Variants in SYS1 observed in about 807,000 individuals in gnomAD.
SYS1 encodes SYS1 golgi trafficking protein, also known as protein SYS1 homolog.
In SYS1, 8 loss-of-function variants were observed where a neutral mutation model predicts 17.8. The observed-to-expected ratio is 0.45, with a 90% confidence interval of 0.26 to 0.81. The LOEUF (loss-of-function observed/expected upper bound fraction) is 0.81, where lower values mean the gene tolerates loss of function less well. SYS1 is among the 40% of genes least tolerant of loss of function. The pLI is 0.16. For synonymous variants in SYS1, 95 were observed against 90.9 expected, an observed-to-expected ratio of 1.05 and a Z score of -0.26; for missense variants, 161 against 203.9, an observed-to-expected ratio of 0.79 and a Z score of 1.28.
intron 2 of SYS1, among the ~76,000 whole-genome samples, chr20:45,363,982 C>T (rs1988316198): frequency 6.6e-6 from 1 of 152,186 alleles, no homozygotes; most frequent in Admixed American, 6.5e-5. Context: ...CTTGATTTCT[C>T]TGAGCTAGGT....
chr20:45,366,833 A>G (rs187179584), intron 3 of SYS1, 42 bp from the exon 4 acceptor site: 1 of 1,566,158 alleles, frequency 6.4e-7, no homozygotes, highest in East Asian at 2.2e-5. Flanking sequence ...ACCTAAGGCC[A>G]GGACAACCCA....
In SYS1 at chr20:45,369,009, G is replaced by A. The variant is rs1988502571; in HGVS notation, c.*1894G>A. The A allele has an allele frequency of 1.1e-5, 5 of 458,134 alleles. No homozygotes were observed. The highest frequency in any genetic ancestry group is 2.1e-5 in the African/African-American group (1 of 47,136). 28.4% of individuals were successfully genotyped at this position (458,134 alleles called of 1,614,324 possible). ...ATTTTTAGAAATGGCCAAAAGTCAC[G>A]TGATCCAAACTTTTTTTCAGTAATA... On this transcript the variant is annotated 3_prime_UTR_variant, in exon 4 of 4. Coordinates refer to ENST00000243918, the MANE Select transcript of SYS1 (RefSeq NM_033542.4).
chr20:45,367,838 T>C lies in SYS1; in HGVS notation c.*723T>C. The C allele has an allele frequency of 1.0e-6, 1 of 985,856 alleles. No homozygotes were observed. Among genetic ancestry groups the C allele is most frequent in the Non-Finnish European group, 1.2e-6 (1 of 829,968 alleles). 61.1% of individuals were successfully genotyped at this position (985,856 alleles called of 1,614,324 possible). ...AGAAGAATCCCAGCGTTGCTCAAAG[T>C]CTAACCATCATAAAGACACTGCCTG... On this transcript the variant is annotated 3_prime_UTR_variant, in exon 4 of 4. Transcript: ENST00000243918.
In SYS1 at chr20:45,363,537, G is replaced by T. The variant is rs1031084500; in HGVS notation, c.6G>T (p.Ala2=). The T allele has an allele frequency of 1.3e-6, 2 of 1,557,986 alleles. No homozygotes were observed. The highest frequency in any genetic ancestry group is 8.7e-7 in the Non-Finnish European group (1 of 1,152,710). M[A]GQFRSYVWDP... ...GGCTCGTGTCCCTGCAGGGCATGGCGGGTCAGTTCCGCAGCTACGTGTGGG... is the reference window on the plus strand; with the variant it reads ...GGCTCGTGTCCCTGCAGGGCATGGCTGGTCAGTTCCGCAGCTACGTGTGGG... Residue 2 remains alanine (A), a synonymous_variant, in exon 2 of 4, where the codon GCG becomes GCT. Coordinates refer to ENST00000243918, the MANE Select transcript of SYS1 (RefSeq NM_033542.4).
At chr20:45,366,484 TTA>T (rs1188987332) in intron 3 of SYS1, among the ~76,000 whole-genome samples, 1 of 152,172 alleles carries the variant, frequency 6.6e-6, no homozygotes, top group Non-Finnish European at 1.5e-5. Context: ...TCAGGCTATT[TTA>T]TATAAAAATC....
At chr20:45,374,018 G>A (rs1484992364), downstream of SYS1, 1 of 1,613,812 alleles carries the variant, frequency 6.2e-7, no homozygotes, top group African/African-American at 1.3e-5. Context: ...CAACCTGCCA[G>A]CAGAAACCTC....
In SYS1 at chr20:45,368,385, C is replaced by T. The variant is rs777880273; in HGVS notation, c.*1270C>T. The T allele has an allele frequency of 3.2e-5, 32 of 985,280 alleles. No homozygotes were observed. The highest frequency in any genetic ancestry group is 6.1e-5 in the Admixed American group (1 of 16,266). 61.0% of individuals were successfully genotyped at this position (985,280 alleles called of 1,614,324 possible). ...TGATTTCTGAACATGTTCAATGGAGCGGCACACAGTCTAGACCCACTTCCG... is the reference window on the plus strand; with the variant it reads ...TGATTTCTGAACATGTTCAATGGAGTGGCACACAGTCTAGACCCACTTCCG... On this transcript the variant is annotated 3_prime_UTR_variant, in exon 4 of 4. Transcript: ENST00000243918.
At position 45,363,542 on chromosome 20, in the gene SYS1, A is replaced by T. The variant is rs748553304; in HGVS notation, c.11A>T (p.Gln4Leu). MAG[Q>L]FRSYVWDPLL... Reference sequence around the variant, plus strand: ...GTGTCCCTGCAGGGCATGGCGGGTCAGTTCCGCAGCTACGTGTGGGACCCG... The same window carrying T: ...GTGTCCCTGCAGGGCATGGCGGGTCTGTTCCGCAGCTACGTGTGGGACCCG... Residue 4 changes from glutamine to leucine, a missense_variant, in exon 2 of 4, where the codon CAG becomes CTG. Gln to Leu is a moderately radical substitution (Grantham distance 113). Transcript: ENST00000243918. 3.0e-5 allele frequency: 47 copies of T among 1,556,682 alleles called. No individual in the cohort carries two copies. Among genetic ancestry groups the T allele is most frequent in the Admixed American group, 3.8e-5 (2 of 52,866 alleles).
In SYS1 at chr20:45,367,945, G is replaced by A; in HGVS notation, c.*830G>A. ...CTTATTTAGAATTCTTTGGCGGGAA[G>A]GGTATGATGGGTTCCCAGAGACAAG... On this transcript the variant is annotated 3_prime_UTR_variant, in exon 4 of 4. Transcript: ENST00000243918. 8 of 985,456 alleles carry A rather than the reference G, an allele frequency of 8.1e-6. No individual in the cohort carries two copies. The highest frequency in any genetic ancestry group is 9.6e-6 in the Non-Finnish European group (8 of 829,940). 61.0% of individuals were successfully genotyped at this position (985,456 alleles called of 1,614,324 possible).
intron 2 of SYS1, among the ~76,000 whole-genome samples, chr20:45,364,533 A>G (rs1174874718): frequency 1.7e-5 from 2 of 119,820 alleles, no homozygotes; most frequent in South Asian, 2.9e-4. Flanking sequence ...GTGCAGTGGC[A>G]GGATCTCGGC....
chr20:45,363,417 C>A, intron 1 of SYS1, 102 bp downstream of exon 1: 1 of 1,450,624 alleles, frequency 6.9e-7, no homozygotes, highest in South Asian at 1.4e-5. Flanking sequence ...GCCCCGCCTT[C>A]CCCCTGACTC....
chr20:45,373,051 C>T (rs1988604629), downstream of SYS1: 2 of 152,348 alleles, frequency 1.3e-5, no homozygotes, highest in African/African-American at 4.8e-5. Flanking sequence ...CTCCACTGCT[C>T]TCCCGAGGGC....
chr20:45,366,988 C>T lies in SYS1; in HGVS notation c.344C>T (p.Ser115Leu), dbSNP rs199934485. ...GCWFYSSRFP[S>L]ALTWWLVQAV... The stretch of plus-strand genomic sequence containing the variant: ...TGGTTCTACAGCTCCCGTTTCCCCT[C>T]GGCGCTGACCTGGTGGCTGGTCCAA... The change falls in exon 4 of 4, where the codon TCG becomes TTG. Residue 115 changes from serine (S) to leucine (L), a missense_variant. Coordinates refer to ENST00000243918, the MANE Select transcript of SYS1 (RefSeq NM_033542.4). The T allele has an allele frequency of 4.2e-5, 67 of 1,614,206 alleles. No individual in the cohort carries two copies. The highest frequency in any genetic ancestry group is 1.6e-4 in the Middle Eastern group (1 of 6,062).
chr20:45,374,958 A>G, exon 4 of SYS1: 1 of 1,535,356 alleles, frequency 6.5e-7, no homozygotes. Flanking sequence ...CAGATCCTGA[A>G]CCCTGACTCT....
chr20:45,374,012 C>T (rs370420531), downstream of SYS1: 3 of 1,613,894 alleles, frequency 1.9e-6, no homozygotes, highest in African/African-American at 2.7e-5. Flanking sequence ...TCACATCAAC[C>T]TGCCAGCAGA....
exon 4 of SYS1, chr20:45,374,318 G>T: frequency 1.4e-6 from 1 of 692,904 alleles, no homozygotes; most frequent in Non-Finnish European, 2.6e-6. Flanking sequence ...TCTTGCCCAG[G>T]CTGGAGTGCA....
At chr20:45,363,788 T>C (rs1303711240) in intron 2 of SYS1, 95 bp downstream of exon 2, 4 of 1,333,420 alleles carry the variant, frequency 3.0e-6, no homozygotes, top group African/African-American at 1.5e-5. Flanking sequence ...CTGGGTCACC[T>C]TCTTTCTTTG....
intron 2 of SYS1, chr20:45,365,369 C>A: frequency 3.4e-6 from 2 of 584,618 alleles, no homozygotes; most frequent in South Asian, 1.8e-5. Context: ...GGCAACTTAA[C>A]TTGTCTGAGT....
At chr20:45,366,036 C>T (rs1033136039) in intron 3 of SYS1, among the ~76,000 whole-genome samples, 2 of 152,200 alleles carry the variant, frequency 1.3e-5, no homozygotes, top group African/African-American at 4.8e-5. Flanking sequence ...CCATGGGCCT[C>T]AGGCTCCTCT....
Sources: allele counts gnomAD v4.1 joint callset (sites outside exome capture counted in the v4.1 genomes callset), GRCh38; gene constraint gnomAD v4.1.1; transcripts MANE v1.5; gene names NCBI Gene and HGNC (gene_info 2026-07-23, HGNC 2026-07-21).